The following CCSER1 variants were observed in gnomAD, a reference collection of about 807,000 sequenced individuals.
The protein encoded by CCSER1 is serine-rich coiled-coil domain-containing protein 1.
In CCSER1, 41 loss-of-function variants were observed where a neutral mutation model predicts 82.0. The ratio of observed to expected loss-of-function variants is 0.50; its 90% CI spans 0.39 to 0.65. CCSER1 has a LOEUF of 0.65. CCSER1 is among the 30% of genes least tolerant of loss of function. CCSER1 has a pLI of 0.00. For synonymous variants in CCSER1, 414 were observed against 383.9 expected (o/e 1.08, Z -0.92); for missense variants, 1,119 against 1,064.2 (o/e 1.05, Z -0.72).
At chr4:90,794,109 G>A (rs1042839480) in intron 7 of CCSER1, among the ~76,000 whole-genome samples, 2 of 152,118 alleles carry the variant, frequency 1.3e-5, no homozygotes, top group South Asian at 4.1e-4. Context: ...TCATTCTGTA[G>A]GTTGTCTGTT....
chr4:91,351,220 T>G (rs1748449025), intron 10 of CCSER1, among the ~76,000 whole-genome samples: 1 of 152,060 alleles, frequency 6.6e-6, no homozygotes, highest in Admixed American at 6.5e-5. Context: ...AAAGCTATTT[T>G]ATAAATACAC....
intron 7 of CCSER1, among the ~76,000 whole-genome samples, chr4:90,799,010 T>C (rs1427670401): frequency 2.6e-5 from 4 of 152,192 alleles, no homozygotes; most frequent in Non-Finnish European, 5.9e-5. Context: ...TAGTGGCAGC[T>C]GCAGCAGAGT....
intron 4 of CCSER1, among the ~76,000 whole-genome samples, chr4:90,438,605 G>A (rs373727736): frequency 6.6e-5 from 10 of 152,130 alleles, no homozygotes; most frequent in Non-Finnish European, 1.3e-4. Flanking sequence ...CAACATACTT[G>A]TGAAACTGTT....
chr4:90,895,163 T>C (rs1261550045), intron 8 of CCSER1, among the ~76,000 whole-genome samples: 2 of 151,908 alleles, frequency 1.3e-5, no homozygotes, highest in African/African-American at 4.8e-5. Flanking sequence ...TTCTTTAAAA[T>C]ATCCTGGCTG....
intron 4 of CCSER1, among the ~76,000 whole-genome samples, chr4:90,461,227 G>A (rs926940121): frequency 1.4e-5 from 2 of 139,020 alleles, no homozygotes; most frequent in Non-Finnish European, 3.0e-5. Context: ...CACTACGCCC[G>A]GCTAATTTTT....
intron 7 of CCSER1, among the ~76,000 whole-genome samples, chr4:90,807,670 G>A (rs1203672906): frequency 2.1e-5 from 3 of 146,330 alleles, no homozygotes; most frequent in Admixed American, 6.8e-5. Flanking sequence ...AAAAACTTAT[G>A]AATATACTTA....
chr4:91,483,844 A>G (rs1443853621), intron 10 of CCSER1, among the ~76,000 whole-genome samples: 2 of 152,188 alleles, frequency 1.3e-5, no homozygotes, highest in Non-Finnish European at 2.9e-5. Context: ...TTCATGAAGA[A>G]CAAACATAAA....
chr4:90,362,873 T>A (rs1745608664), intron 3 of CCSER1, among the ~76,000 whole-genome samples: 1 of 152,224 alleles, frequency 6.6e-6, no homozygotes, highest in African/African-American at 2.4e-5. Context: ...ATACAAGGGA[T>A]GCCTTTCTAA....
chr4:91,596,430 A>T (rs1315524905), intron 10 of CCSER1, among the ~76,000 whole-genome samples: 2 of 152,046 alleles, frequency 1.3e-5, no homozygotes. Context: ...TTTCCACAAT[A>T]TTTCATAAGC....
In CCSER1 at chr4:90,168,633, A is replaced by G. The variant is rs541926479; in HGVS notation, c.-42+40802A>G. On this transcript the variant is annotated intron_variant, in intron 1 of 10. Transcript: ENST00000509176. ...GGTCTAACATTGAAGTCTTTAATCC[A>G]CCTTGACTTAATTTTTGTATAAGGT... Among the ~76,000 whole-genome samples the G allele has an allele frequency of 5.1e-3, 773 of 152,242 alleles. 8 individuals carry two copies. Among genetic ancestry groups the G allele is most frequent in the African/African-American group, 0.018 (748 of 41,534 alleles).
At chr4:90,796,939 A>T (rs934793120) in intron 7 of CCSER1, among the ~76,000 whole-genome samples, 11 of 152,130 alleles carry the variant, frequency 7.2e-5, no homozygotes, top group African/African-American at 2.2e-4. Context: ...GTGCCATGTG[A>T]CAATGAAAAG....
At chr4:90,997,619 T>C (rs1737614456) in intron 9 of CCSER1, among the ~76,000 whole-genome samples, 1 of 152,184 alleles carries the variant, frequency 6.6e-6, no homozygotes, top group African/African-American at 2.4e-5. Context: ...AATTTATGAT[T>C]GTCAGCTTCC....
At chr4:90,683,282 A>G (rs1176863908) in intron 6 of CCSER1, among the ~76,000 whole-genome samples, 1 of 152,108 alleles carries the variant, frequency 6.6e-6, no homozygotes, top group Non-Finnish European at 1.5e-5. Context: ...GAAAAAATAC[A>G]CTCATATCTA....
At chr4:90,576,585 T>C (rs1356350474) in intron 5 of CCSER1, among the ~76,000 whole-genome samples, 2 of 152,166 alleles carry the variant, frequency 1.3e-5, no homozygotes, top group African/African-American at 4.8e-5. Flanking sequence ...TAGTTTCGCT[T>C]TTTCCAGAAT....
intron 7 of CCSER1, among the ~76,000 whole-genome samples, chr4:90,747,521 A>G (rs1747695490): frequency 6.6e-6 from 1 of 152,112 alleles, no homozygotes; most frequent in Non-Finnish European, 1.5e-5. Context: ...GGATGGGGTT[A>G]TGGAATTTTC....
At chr4:91,494,292 C>G (rs1256130836) in intron 10 of CCSER1, among the ~76,000 whole-genome samples, 1 of 151,726 alleles carries the variant, frequency 6.6e-6, no homozygotes, top group South Asian at 2.1e-4. Flanking sequence ...GTGGGCAACC[C>G]AGGAGAATAG....
intron 9 of CCSER1, among the ~76,000 whole-genome samples, chr4:90,943,985 G>A (rs879416426): frequency 3.3e-5 from 5 of 151,788 alleles, no homozygotes; most frequent in African/African-American, 4.8e-5. Context: ...TGTAATCCCA[G>A]CACTTTGGGA....
chr4:91,474,787 G>GTA lies in CCSER1; in HGVS notation c.2218-123760_2218-123759dup, dbSNP rs764572024. On this transcript the variant is annotated intron_variant, in intron 10 of 10. Transcript: ENST00000509176. The stretch of plus-strand genomic sequence containing the variant: ...TGTGTGTATATATATATATATTTGT[G>GTA]TATATATATATATATATATATATAT... Among the ~76,000 whole-genome samples, 393 of 135,100 alleles carry GTA rather than the reference G, an allele frequency of 2.9e-3. 2 individuals carry two copies. Among genetic ancestry groups the GTA allele is most frequent in the Middle Eastern group, 0.011 (3 of 264 alleles). 88.6% of individuals were successfully genotyped at this position (135,100 alleles called of 152,430 possible). A position where few individuals can be genotyped will look rare whatever the true frequency, so the allele number is the denominator to read the frequency against.
chr4:90,875,999 G>A (rs1156683671), intron 8 of CCSER1, among the ~76,000 whole-genome samples: 2 of 152,100 alleles, frequency 1.3e-5, no homozygotes, highest in African/African-American at 2.4e-5. Context: ...ATCATGAATA[G>A]GGTGCTTTGA....
Sources: allele counts gnomAD v4.1 joint callset (sites outside exome capture counted in the v4.1 genomes callset), GRCh38; gene constraint gnomAD v4.1.1; transcripts MANE v1.5; gene names NCBI Gene and HGNC (gene_info 2026-07-23, HGNC 2026-07-21).